Variants in MTTP observed in about 807,000 individuals in gnomAD.
The protein encoded by MTTP is microsomal triglyceride transfer protein large subunit.
A neutral mutation model predicts 90.6 loss-of-function variants in MTTP; 49 were observed. The ratio of observed to expected loss-of-function variants is 0.54; its 90% CI spans 0.43 to 0.69. The LOEUF is 0.69. MTTP is among the 30% of genes least tolerant of loss of function. The pLI is 0.00. For missense variants in MTTP, 945 were observed against 1,067.5 expected (o/e 0.89, Z 1.60); for synonymous variants, 347 against 384.2 (o/e 0.90, Z 1.13).
chr4:99,613,973 A>G (rs1339807870), intron 15 of MTTP, among the ~76,000 whole-genome samples: 2 of 152,210 alleles, frequency 1.3e-5, no homozygotes, highest in African/African-American at 4.8e-5. Context: ...AAGCATAGCA[A>G]CATAAAAAAT....
intron 4 of MTTP, among the ~76,000 whole-genome samples, chr4:99,590,897 C>A (rs1396649194): frequency 6.6e-6 from 1 of 151,848 alleles, no homozygotes; most frequent in Admixed American, 6.6e-5. Context: ...ACAGCATTAA[C>A]AATCAACTCC....
intron 15 of MTTP, among the ~76,000 whole-genome samples, chr4:99,613,654 A>G (rs1049494985): frequency 3.9e-5 from 6 of 152,222 alleles, no homozygotes; most frequent in Non-Finnish European, 7.3e-5. Flanking sequence ...CAAAATTCTC[A>G]TGTATATAAA....
chr4:99,571,498 A>T (rs1004061546), upstream of MTTP, among the ~76,000 whole-genome samples: 1 of 151,924 alleles, frequency 6.6e-6, no homozygotes, highest in Non-Finnish European at 1.5e-5. Flanking sequence ...AACTGATATG[A>T]TACAAAGGAT....
In MTTP at chr4:99,606,760, G is replaced by A. The variant is rs1242053046; in HGVS notation, c.1357G>A (p.Ala453Thr). Reference protein sequence around the residue: ...EGCKLKAVVEAKKLILGGLEK... With the variant: ...EGCKLKAVVETKKLILGGLEK... ...TATGATTTTTCAGGCAGTAGTGGAAGCTAAGAAGTTAATCCTGGGAGGACT... is the reference window on the plus strand; with the variant it reads ...TATGATTTTTCAGGCAGTAGTGGAAACTAAGAAGTTAATCCTGGGAGGACT... Residue 453 changes from alanine to threonine, a missense_variant, in exon 11 of 18, where the codon GCT (alanine) becomes ACT (threonine). By Grantham distance (58) the Ala-to-Thr change is moderately conservative. Coordinates refer to ENST00000265517, the MANE Select transcript of MTTP (RefSeq NM_001386140.1). 4 of 1,613,514 alleles carry A rather than the reference G, an allele frequency of 2.5e-6. No homozygotes were observed.
chr4:99,593,108 A>G (rs1467675809), intron 6 of MTTP, among the ~76,000 whole-genome samples: 1 of 152,158 alleles, frequency 6.6e-6, no homozygotes, highest in African/African-American at 2.4e-5. Context: ...GCAGCACATG[A>G]CTGTATTTAT....
chr4:99,582,421 G>T (rs1560614275), intron 2 of MTTP, among the ~76,000 whole-genome samples: 1 of 152,136 alleles, frequency 6.6e-6, no homozygotes. Flanking sequence ...CATGTTGTAT[G>T]AAAAACAATT....
intron 16 of MTTP, among the ~76,000 whole-genome samples, chr4:99,619,338 A>T (rs2110237305): frequency 6.6e-6 from 1 of 152,314 alleles, no homozygotes; most frequent in South Asian, 2.1e-4. Flanking sequence ...AGACATACAT[A>T]GACAGGATGC....
At position 99,606,842 on chromosome 4, in the gene MTTP, C is replaced by A. The variant is rs1725829137; in HGVS notation, c.1439C>A (p.Ala480Asp). 6.2e-7 allele frequency: 1 copy of A among 1,614,078 alleles called. No individual in the cohort carries two copies. The highest frequency in any genetic ancestry group is 8.5e-7 in the Non-Finnish European group (1 of 1,179,984). The change falls in exon 11 of 18, where the codon GCC (alanine) becomes GAC (aspartate). Residue 480 changes from alanine (A) to aspartate (D), a missense_variant. Transcript: ENST00000265517. ...ATGTATCTGCTGGCTTTGAAGAATGCCCTGCTTCCAGAAGGCATCCCAAGT... is the reference window on the plus strand; with the variant it reads ...ATGTATCTGCTGGCTTTGAAGAATGACCTGCTTCCAGAAGGCATCCCAAGT... Reference protein sequence around the residue: ...TRMYLLALKNALLPEGIPSLL... With the variant: ...TRMYLLALKNDLLPEGIPSLL...
At chr4:99,588,968 CAT>C (rs1314052421) in intron 3 of MTTP, among the ~76,000 whole-genome samples, 1 of 66,750 alleles carries the variant, frequency 1.5e-5, no homozygotes, top group Non-Finnish European at 2.5e-5. Flanking sequence ...TATATATGTT[CAT>C]ATATATACAC....
In MTTP at chr4:99,613,240, C is replaced by A; in HGVS notation, c.2217+100C>A. On this transcript the variant is annotated intron_variant, in intron 15 of 17. Transcript: ENST00000265517. ...TGGAGGATACAAGACAAAATTGTGC[C>A]CATCTTGGAGCTCATATTCCAAGCA... is the stretch of plus-strand genomic sequence containing the variant. 4 of 1,086,734 alleles carry A rather than the reference C, an allele frequency of 3.7e-6. No homozygotes were observed. In the African/African-American group the frequency reaches 4.7e-5, roughly 13 times the overall value. The allele number at this position is 1,086,734 out of a possible 1,614,324, so 67.3% of individuals were successfully genotyped here. A position where few individuals can be genotyped will look rare whatever the true frequency, so the allele number is the denominator to read the frequency against.
intron 8 of MTTP, among the ~76,000 whole-genome samples, chr4:99,599,845 T>G (rs778539062): frequency 6.6e-6 from 1 of 152,164 alleles, no homozygotes; most frequent in African/African-American, 2.4e-5. Flanking sequence ...ACATGTCACA[T>G]TGTCTGGTGT....
At chr4:99,606,672 C>T (rs779401097) in intron 10 of MTTP, 76 bp from the exon 11 acceptor site, 3 of 1,486,532 alleles carry the variant, frequency 2.0e-6, no homozygotes, top group African/African-American at 1.4e-5. Context: ...TTCTTGGACC[C>T]AAGAATAAAG....
In MTTP at chr4:99,594,779, T is replaced by C; in HGVS notation, c.805T>C (p.Ser269Pro). 1 of 1,614,044 alleles carries C rather than the reference T, an allele frequency of 6.2e-7. No homozygotes were observed. The highest frequency in any genetic ancestry group is 8.5e-7 in the Non-Finnish European group (1 of 1,179,940). ...KTTEAGPRLM[S>P]GKQAAAIIKA... ...AACCGAAGCAGGCCCAAGATTGATG[T>C]CTGGAAAGCAGGCTGCAGCCATAAT... The change falls in exon 7 of 18, where the codon TCT (serine) becomes CCT (proline). Residue 269 changes from serine (S) to proline (P), a missense_variant. By Grantham distance (74) the Ser-to-Pro change is moderately conservative (BLOSUM62 -1). Coordinates refer to ENST00000265517, the MANE Select transcript of MTTP (RefSeq NM_001386140.1).
rs1726303084 is a variant in MTTP, at chr4:99,623,740, A to T, written c.*892A>T. 1 of 152,236 alleles carries T rather than the reference A, an allele frequency of 6.6e-6. No homozygotes were observed. Among genetic ancestry groups the T allele is most frequent in the African/African-American group, 2.4e-5 (1 of 41,458 alleles). The allele number at this position is 152,236 out of a possible 1,614,324, so 9.4% of individuals were successfully genotyped here. A position where few individuals can be genotyped will look rare whatever the true frequency, so the allele number is the denominator to read the frequency against. On this transcript the variant is annotated 3_prime_UTR_variant, in exon 18 of 18. Transcript: ENST00000265517. ...CACAATAGCTAGGATGACTAAGAGA[A>T]CATTGCTTCAAGAAACTGGTGGATT...
At chr4:99,595,303 A>T (rs1725527617) in intron 7 of MTTP, among the ~76,000 whole-genome samples, 1 of 152,192 alleles carries the variant, frequency 6.6e-6, no homozygotes, top group Non-Finnish European at 1.5e-5. Context: ...GGACTGAAAA[A>T]GGATACCAGG....
chr4:99,572,085 C>T (rs12639747), upstream of MTTP, among the ~76,000 whole-genome samples: 6,225 of 151,850 alleles, frequency 0.041, 201 homozygotes, highest in East Asian at 0.19. Context: ...CTCCTGACAA[C>T]CTCTGACACT....
At chr4:99,606,621 T>A in intron 10 of MTTP, 127 bp from the exon 11 acceptor site, 1 of 893,910 alleles carries the variant, frequency 1.1e-6, no homozygotes, top group South Asian at 1.4e-5. Context: ...TGTGCCTCAG[T>A]CAAGCAACCA....
chr4:99,611,490 T>C, intron 14 of MTTP, 37 bp downstream of exon 14: 4 of 1,610,768 alleles, frequency 2.5e-6, no homozygotes, highest in Non-Finnish European at 3.4e-6. Context: ...TAATAAAGTA[T>C]GCAAGAAATC....
chr4:99,601,599 G>A lies in MTTP; in HGVS notation c.1237-8G>A, dbSNP rs762716695. The A allele has an allele frequency of 1.3e-6, 2 of 1,590,034 alleles. No individual in the cohort carries two copies. The highest frequency in any genetic ancestry group is 2.7e-5 in the African/African-American group (2 of 74,354). ...TGGTAACCTATTTTATCCCTGTTTG[G>A]TTAATAGAGTAAGTTCAAAGGTTCT... On this transcript the variant is annotated splice_polypyrimidine_tract_variant and splice_region_variant and intron_variant, in intron 9 of 17. Coordinates refer to ENST00000265517, the MANE Select transcript of MTTP (RefSeq NM_001386140.1).
Sources: gnomAD v4.1 joint callset for allele counts (sites outside exome capture counted in the v4.1 genomes callset) on GRCh38, gnomAD v4.1.1 for gene constraint, MANE v1.5 for transcripts, NCBI Gene and HGNC (gene_info 2026-07-23, HGNC 2026-07-21) for gene names.